The following IPO5 variants were observed in gnomAD, a reference collection of about 807,000 sequenced individuals.
The protein encoded by IPO5 is importin-5.
IPO5 carries 18 observed loss-of-function variants against 143.3 expected under a neutral mutation model. That is an observed-to-expected ratio of 0.13 (90% CI 0.09 to 0.19). The LOEUF (loss-of-function observed/expected upper bound fraction) is 0.19, where lower values mean the gene tolerates loss of function less well. IPO5 is among the 10% of genes least tolerant of loss of function. IPO5 has a pLI of 1.00. For missense variants in IPO5, 1,013 were observed against 1,336.9 expected (o/e 0.76, Z 3.78); for synonymous variants, 477 against 465.7 (o/e 1.02, Z -0.31).
chr13:98,017,946 C>T (rs1430268612), intron 25 of IPO5, among the ~76,000 whole-genome samples: 21 of 152,118 alleles, frequency 1.4e-4, no homozygotes, highest in East Asian at 5.8e-4. Flanking sequence ...GGATTACAGG[C>T]GTGAGCCACC....
intron 28 of IPO5, 55 bp from the exon 29 acceptor site, chr13:98,021,681 A>G: frequency 9.2e-7 from 1 of 1,086,036 alleles, no homozygotes; most frequent in African/African-American, 1.5e-5. Flanking sequence ...TGATGATTAA[A>G]ATCCTTCCAA....
At position 98,004,372 on chromosome 13, in the gene IPO5, A is replaced by G. The variant is rs1459122497; in HGVS notation, c.1497+1335A>G. On this transcript the variant is annotated intron_variant, in intron 16 of 28. Coordinates refer to ENST00000651721, the MANE Select transcript of IPO5 (RefSeq NM_002271.6). ...GCTCAGTATCAGATGACAGCAGACT[A>G]AGAATATGATAAAGGAAACATTCGT... 2.6e-5 allele frequency among the ~76,000 whole-genome samples: 4 copies of G among 152,226 alleles called. No homozygotes were observed. The South Asian group carries it at 6.2e-4, about 24-fold the overall frequency.
intron 22 of IPO5, among the ~76,000 whole-genome samples, chr13:98,015,268 G>GTA (rs1555311888): frequency 1.3e-5 from 2 of 151,986 alleles, no homozygotes; most frequent in African/African-American, 4.8e-5. Context: ...GTGTGTGTGT[G>GTA]TGTTTTCCAT....
intron 5 of IPO5, among the ~76,000 whole-genome samples, chr13:97,985,198 C>T (rs192228004): frequency 6.6e-6 from 1 of 152,218 alleles, no homozygotes; most frequent in East Asian, 1.9e-4. Flanking sequence ...ATATGTGTTC[C>T]TAATTGAATT....
At chr13:97,986,577 TG>T (rs1246670373) in intron 6 of IPO5, among the ~76,000 whole-genome samples, 1 of 152,144 alleles carries the variant, frequency 6.6e-6, no homozygotes, top group Non-Finnish European at 1.5e-5. Context: ...CTGGAACTCC[TG>T]GCCTCAGGTG....
chr13:97,989,579 T>G (rs1041898101), intron 7 of IPO5, among the ~76,000 whole-genome samples: 2 of 152,188 alleles, frequency 1.3e-5, no homozygotes, highest in Non-Finnish European at 2.9e-5. Flanking sequence ...TTATAATATG[T>G]TAAGAAACCT....
At chr13:97,960,037 AG>A (rs1884741519) in intron 2 of IPO5, among the ~76,000 whole-genome samples, 1 of 152,200 alleles carries the variant, frequency 6.6e-6, no homozygotes, top group African/African-American at 2.4e-5. Context: ...TGTGGCATCA[AG>A]CAGTACTACA....
Position 98,010,096 on chromosome 13 carries a change from T to C in IPO5, c.1934-7T>C. 5.0e-6 allele frequency: 8 copies of C among 1,613,946 alleles called. No homozygotes were observed. The highest frequency in any genetic ancestry group is 6.8e-6 in the Non-Finnish European group (8 of 1,179,942). The stretch of plus-strand genomic sequence containing the variant: ...TCATATGCATTTGTTTTCTTCTCCG[T>C]TAATAGCCCAAGACATGGAGAATAT... On this transcript the variant is annotated splice_region_variant and splice_polypyrimidine_tract_variant and intron_variant, in intron 19 of 28. Transcript: ENST00000651721.
At chr13:97,977,307 C>A (rs1258239389) in intron 4 of IPO5, among the ~76,000 whole-genome samples, 1 of 152,204 alleles carries the variant, frequency 6.6e-6, no homozygotes, top group Non-Finnish European at 1.5e-5. Context: ...CCTGCCTTGT[C>A]CCTACTGCCT....
chr13:97,979,414 A>G (rs549275385), intron 4 of IPO5, among the ~76,000 whole-genome samples: 6 of 152,180 alleles, frequency 3.9e-5, no homozygotes, highest in South Asian at 2.1e-4. Flanking sequence ...GTTTATTTCT[A>G]TTTTTAAAAA....
intron 13 of IPO5, chr13:98,001,508 C>T (rs1396957693): frequency 6.6e-6 from 1 of 152,116 alleles, no homozygotes; most frequent in Non-Finnish European, 1.5e-5. Flanking sequence ...GACAGAATCC[C>T]ACTCTGTCAA....
At chr13:97,999,273 T>C (rs1888559249) in intron 12 of IPO5, among the ~76,000 whole-genome samples, 1 of 152,206 alleles carries the variant, frequency 6.6e-6, no homozygotes, top group African/African-American at 2.4e-5. Flanking sequence ...TTAATCCCAT[T>C]GTTAAAAATG....
Position 97,990,138 on chromosome 13 carries a change from A to G in IPO5, c.480A>G (p.Gly160=). 1.2e-6 allele frequency: 2 copies of G among 1,608,574 alleles called. No homozygotes were observed. Among genetic ancestry groups the G allele is most frequent in the Non-Finnish European group, 8.5e-7 (1 of 1,175,344 alleles). ...GATTATCTTTTAGGAACTTTCCTGG[A>G]ATTTTTGGGAACCAGCAACAACACT... The part of the protein sequence containing the change: ...AALHIFWNFP[G]IFGNQQQHYL... The change falls in exon 8 of 29, where the codon GGA becomes GGG. Residue 160 remains glycine, a synonymous_variant. Transcript: ENST00000651721.
rs1324017361 is a variant in IPO5, at chr13:98,019,617, C to T, written c.2873C>T (p.Ala958Val). 6 of 1,613,872 alleles carry T rather than the reference C, an allele frequency of 3.7e-6. No individual in the cohort carries two copies. Among genetic ancestry groups the T allele is most frequent in the Admixed American group, 1.7e-5 (1 of 60,020 alleles). Residue 958 changes from alanine to valine, a missense_variant, in exon 27 of 29, where the codon GCG (alanine) becomes GTG (valine). By Grantham distance (64) the Ala-to-Val change is moderately conservative. This residue lies in a region of IPO5 where 685 missense variants were observed against 994.9 expected (regional missense o/e 0.69). Coordinates refer to ENST00000651721, the MANE Select transcript of IPO5 (RefSeq NM_002271.6). ...LPLLVRVIQSADSKTKENVNA... is the reference protein window; with the variant it reads ...LPLLVRVIQSVDSKTKENVNA... ...CTGCTGGTAAGAGTTATTCAGTCTG[C>T]GGATTCTAAGACCAAAGAAAATGTC...
At chr13:97,961,997 C>A (rs1370051583) in intron 2 of IPO5, among the ~76,000 whole-genome samples, 1 of 152,028 alleles carries the variant, frequency 6.6e-6, no homozygotes, top group Non-Finnish European at 1.5e-5. Context: ...GGCGTGGGGG[C>A]GCACACCTGT....
In IPO5 at chr13:98,000,580, G is replaced by A; in HGVS notation, c.1043G>A (p.Cys348Tyr). 1 of 1,568,262 alleles carries A rather than the reference G, an allele frequency of 6.4e-7. No individual in the cohort carries two copies. Among genetic ancestry groups the A allele is most frequent in the South Asian group, 1.2e-5 (1 of 84,920 alleles). The change falls in exon 13 of 29, where the codon TGC becomes TAC. Residue 348 changes from cysteine to tyrosine, a missense_variant. By Grantham distance (194) the Cys-to-Tyr change is radical. Around this residue, in one of 2 missense-constraint regions of IPO5, gnomAD observed 685 missense variants for 994.9 expected, o/e 0.69. Transcript: ENST00000651721. ...GAGAGTGCTCTAGATCGAATGGCTT[G>A]CGGACTTGGTGGAAAGCTCGTTCTG... ...AGESALDRMACGLGGKLVLPM... is the reference protein window; with the variant it reads ...AGESALDRMAYGLGGKLVLPM...
Position 98,002,684 on chromosome 13 carries a change from C to T in IPO5, c.1234C>T (p.His412Tyr). The T allele has an allele frequency of 6.2e-7, 1 of 1,607,796 alleles. No homozygotes were observed. Among genetic ancestry groups the T allele is most frequent in the Non-Finnish European group, 8.5e-7 (1 of 1,176,676 alleles). Reference sequence around the variant, plus strand: ...ACTAATGAAAGGGAACATTTTCCAGCATCCAAGAGTAAGGTATGCAGCCTG... The same window carrying T: ...ACTAATGAAAGGGAACATTTTCCAGTATCCAAGAGTAAGGTATGCAGCCTG... Reference protein sequence around the residue: ...NFVLLFLQDPHPRVRYAACNA... With the variant: ...NFVLLFLQDPYPRVRYAACNA... Residue 412 changes from histidine (H) to tyrosine (Y), a missense_variant and splice_region_variant, in exon 15 of 29, where the codon CAT becomes TAT. Physicochemically the swap from His to Tyr is moderately conservative, Grantham distance 83. Coordinates refer to ENST00000651721, the MANE Select transcript of IPO5 (RefSeq NM_002271.6).
intron 6 of IPO5, among the ~76,000 whole-genome samples, chr13:97,986,636 C>T (rs368684653): frequency 1.3e-5 from 2 of 152,212 alleles, no homozygotes; most frequent in South Asian, 4.1e-4. Flanking sequence ...AGGCATGAGC[C>T]ACTGCGCCTG....
chr13:98,010,759 G>A (rs1566556880), intron 20 of IPO5, among the ~76,000 whole-genome samples: 1 of 123,274 alleles, frequency 8.1e-6, no homozygotes, highest in Middle Eastern at 4.2e-3. Context: ...ATGAGCATGC[G>A]TTTTAAAGTG....
Sources: allele counts gnomAD v4.1 joint callset (sites outside exome capture counted in the v4.1 genomes callset), GRCh38; gene constraint gnomAD v4.1.1; regional missense constraint gnomAD v4.1.1; transcripts MANE v1.5; gene names NCBI Gene and HGNC (gene_info 2026-07-23, HGNC 2026-07-21).